CELF4: variants seen among roughly 807,000 people sequenced by gnomAD.
CELF4 encodes CUG-BP- and ETR-3-like factor 4.
Under a neutral mutation model 59.9 loss-of-function variants are expected in CELF4, and 18 were observed. The ratio of observed to expected loss-of-function variants is 0.30; its 90% CI spans 0.21 to 0.45. The LOEUF (loss-of-function observed/expected upper bound fraction) is 0.45. Ranked by LOEUF, CELF4 falls within the 20% of genes least tolerant of loss-of-function variation. The pLI is 1.00. For missense variants in CELF4, 456 were observed against 689.0 expected (o/e 0.66, Z 3.79); for synonymous variants, 261 against 267.1 (o/e 0.98, Z 0.22).
At chr18:37,537,466 C>T (rs1259099838) in intron 1 of CELF4, among the ~76,000 whole-genome samples, 2 of 152,190 alleles carry the variant, frequency 1.3e-5, no homozygotes, top group African/African-American at 4.8e-5. Context: ...TTCAAATGGC[C>T]TTTATGATTA....
intron 1 of CELF4, among the ~76,000 whole-genome samples, chr18:37,553,569 T>C (rs1449009142): frequency 6.6e-6 from 1 of 152,222 alleles, no homozygotes; most frequent in Non-Finnish European, 1.5e-5. Flanking sequence ...TCGTAGACTG[T>C]AATTATTAAT....
intron 1 of CELF4, among the ~76,000 whole-genome samples, chr18:37,539,592 CAT>C (rs2099976292): frequency 6.6e-6 from 1 of 152,106 alleles, no homozygotes; most frequent in Admixed American, 6.5e-5. Context: ...CACACATGCC[CAT>C]GTGTGTGTCT....
chr18:37,493,559 G>C (rs1053555681), intron 1 of CELF4, among the ~76,000 whole-genome samples: 5 of 152,238 alleles, frequency 3.3e-5, no homozygotes, highest in Admixed American at 2.0e-4. Flanking sequence ...ATGCGGGTGT[G>C]GGGGAGGTGG....
chr18:37,261,650 C>T (rs1172058579), intron 10 of CELF4, among the ~76,000 whole-genome samples: 4 of 152,242 alleles, frequency 2.6e-5, no homozygotes, highest in Non-Finnish European at 5.9e-5. Flanking sequence ...TGGTCCAGCC[C>T]AGCCTTCTGA....
In CELF4 at chr18:37,341,434, T is replaced by G. The variant is rs75746541; in HGVS notation, c.370-19553A>C. Among the ~76,000 whole-genome samples, 670 of 152,338 alleles carry G rather than the reference T, an allele frequency of 4.4e-3. 6 individuals carry two copies. The highest frequency in any genetic ancestry group is 0.015 in the African/African-American group (619 of 41,572). On this transcript the variant is annotated intron_variant, in intron 2 of 12. Coordinates refer to ENST00000420428, the MANE Select transcript of CELF4 (RefSeq NM_020180.4). ...GTGTTCAGACACAGGAGAAGTATGT[T>G]CACCTTACATGAGGAGGGTTAAAGG...
At chr18:37,419,801 C>T in intron 2 of CELF4, among the ~76,000 whole-genome samples, 1 of 152,186 alleles carries the variant, frequency 6.6e-6, no homozygotes, top group Non-Finnish European at 1.5e-5. Context: ...AAAGAGAGAA[C>T]CAGTCCTGTC....
intron 2 of CELF4, among the ~76,000 whole-genome samples, chr18:37,408,606 A>G (rs973804205): frequency 1.5e-4 from 23 of 151,838 alleles, no homozygotes; most frequent in Admixed American, 1.5e-3. Flanking sequence ...CCCGTTTCCT[A>G]GAATTGGAGG....
chr18:37,307,885 G>A (rs932503420), intron 3 of CELF4, among the ~76,000 whole-genome samples: 1 of 152,186 alleles, frequency 6.6e-6, no homozygotes, highest in Non-Finnish European at 1.5e-5. Flanking sequence ...GCATTGCAGT[G>A]GGGTGTACCG....
intron 2 of CELF4, among the ~76,000 whole-genome samples, chr18:37,360,011 A>C (rs2154559342): frequency 6.6e-6 from 1 of 151,890 alleles, no homozygotes; most frequent in South Asian, 2.1e-4. Flanking sequence ...TACCATGCCC[A>C]GCTAAATTTT....
intron 2 of CELF4, among the ~76,000 whole-genome samples, chr18:37,431,355 T>C (rs1480588757): frequency 6.7e-6 from 1 of 149,184 alleles, no homozygotes; most frequent in Non-Finnish European, 1.5e-5. Flanking sequence ...ACTTTCTCCT[T>C]TCTTTCCTTT....
At chr18:37,343,238 T>C (rs1376527717) in intron 2 of CELF4, among the ~76,000 whole-genome samples, 2 of 152,186 alleles carry the variant, frequency 1.3e-5, no homozygotes, top group Non-Finnish European at 2.9e-5. Context: ...TGGGAATGAC[T>C]GCGTCTGTGT....
intron 3 of CELF4, among the ~76,000 whole-genome samples, chr18:37,318,192 T>C (rs2096934518): frequency 6.6e-6 from 1 of 151,740 alleles, no homozygotes; most frequent in East Asian, 1.9e-4. Context: ...ACCCTCCCCC[T>C]CCTTCTGCGG....
chr18:37,482,226 A>G (rs891034222), intron 2 of CELF4, among the ~76,000 whole-genome samples: 1 of 152,102 alleles, frequency 6.6e-6, no homozygotes, highest in African/African-American at 2.4e-5. Context: ...ATACTTGTTG[A>G]TGGATTGAGA....
chr18:37,420,974 T>C (rs1181381441), intron 2 of CELF4, among the ~76,000 whole-genome samples: 7 of 152,238 alleles, frequency 4.6e-5, no homozygotes, highest in Admixed American at 4.6e-4. Flanking sequence ...GGCTTGAACC[T>C]AGGACATTCC....
chr18:37,348,624 G>C (rs1316562459), intron 2 of CELF4, among the ~76,000 whole-genome samples: 1 of 152,018 alleles, frequency 6.6e-6, no homozygotes, highest in African/African-American at 2.4e-5. Context: ...GGACGGTGGG[G>C]GGATGGGAGC....
At chr18:37,534,200 T>C (rs190296492) in intron 1 of CELF4, among the ~76,000 whole-genome samples, 1 of 152,278 alleles carries the variant, frequency 6.6e-6, no homozygotes, top group East Asian at 1.9e-4. Flanking sequence ...AGTTGTCAGT[T>C]GTGACTTGGT....
chr18:37,415,066 G>A (rs2099516530), intron 2 of CELF4, among the ~76,000 whole-genome samples: 1 of 152,236 alleles, frequency 6.6e-6, no homozygotes, highest in Non-Finnish European at 1.5e-5. Context: ...GTGTAAGAGT[G>A]GGCCAGGGTG....
chr18:37,337,957 A>T (rs2097836379), intron 2 of CELF4, among the ~76,000 whole-genome samples: 1 of 152,162 alleles, frequency 6.6e-6, no homozygotes. Context: ...CTGGAAAATC[A>T]CCACTGTCAC....
chr18:37,410,518 G>A (rs2099433235), intron 2 of CELF4, among the ~76,000 whole-genome samples: 1 of 152,242 alleles, frequency 6.6e-6, no homozygotes, highest in Admixed American at 6.5e-5. Flanking sequence ...TCATGCCTGT[G>A]TGTTCGTGTG....
Sources: allele counts gnomAD v4.1 joint callset (sites outside exome capture counted in the v4.1 genomes callset), GRCh38; gene constraint gnomAD v4.1.1; transcripts MANE v1.5; gene names NCBI Gene and HGNC (gene_info 2026-07-23, HGNC 2026-07-21).